Variants in REEP3 observed in about 807,000 individuals in gnomAD.
REEP3 encodes the protein receptor expression-enhancing protein 3.
Under a neutral mutation model 41.3 loss-of-function variants are expected in REEP3, and 20 were observed. The ratio of observed to expected loss-of-function variants is 0.48; its 90% CI spans 0.34 to 0.70. REEP3 has a LOEUF of 0.70. Ranked by LOEUF, REEP3 falls within the 30% of genes least tolerant of loss-of-function variation. The pLI, the probability that REEP3 is intolerant of heterozygous loss-of-function variation, is 0.01. For synonymous variants in REEP3, 104 were observed against 101.8 expected (o/e 1.02, Z -0.13); for missense variants, 271 against 308.8 (o/e 0.88, Z 0.92).
intron 7 of REEP3, 69 bp from the exon 8 acceptor site, chr10:63,620,744 C>T (rs1956347165): frequency 1.0e-6 from 1 of 996,910 alleles, no homozygotes; most frequent in Non-Finnish European, 1.5e-6. Flanking sequence ...TGATTATGAA[C>T]TATTAAATCT....
chr10:63,594,214 C>CAA lies in REEP3; in HGVS notation c.106-552_106-551dup, dbSNP rs747648640. Among the ~76,000 whole-genome samples the CAA allele has an allele frequency of 5.9e-4, 55 of 92,454 alleles. 1 individual carries two copies. In the South Asian group the frequency reaches 0.011, roughly 18 times the overall value. The allele number at this position is 92,454 out of a possible 152,430, so 60.7% of individuals were successfully genotyped here. ...GCAACATGGCAAAACCTCATCTCTACAAAAAAAAAAAAACCAAAAAAAATT... is the reference window on the plus strand; with the variant it reads ...GCAACATGGCAAAACCTCATCTCTACAAAAAAAAAAAAAAACCAAAAAAAATT... On this transcript the variant is annotated intron_variant, in intron 2 of 7. Coordinates refer to ENST00000373758, the MANE Select transcript of REEP3 (RefSeq NM_001001330.3).
chr10:63,557,401 T>C (rs1250623512), intron 1 of REEP3, among the ~76,000 whole-genome samples: 1 of 152,230 alleles, frequency 6.6e-6, no homozygotes, highest in Non-Finnish European at 1.5e-5. Flanking sequence ...ATAAATGTTA[T>C]ATGTATAACT....
intron 2 of REEP3, among the ~76,000 whole-genome samples, chr10:63,574,162 C>G (rs1467168673): frequency 6.6e-6 from 1 of 152,116 alleles, no homozygotes; most frequent in Non-Finnish European, 1.5e-5. Flanking sequence ...ACTTATTGTG[C>G]TATTTCTTAA....
intron 1 of REEP3, among the ~76,000 whole-genome samples, chr10:63,557,902 G>A (rs1955704402): frequency 6.6e-6 from 1 of 152,152 alleles, no homozygotes; most frequent in Admixed American, 6.6e-5. Flanking sequence ...CCCATGGAGG[G>A]AAGCAAGGAA....
At chr10:63,612,589 G>A (rs568225508) in intron 6 of REEP3, among the ~76,000 whole-genome samples, 3 of 152,004 alleles carry the variant, frequency 2.0e-5, no homozygotes, top group South Asian at 2.1e-4. Flanking sequence ...TTAGGAGTTC[G>A]AGACCAGCCT....
Position 63,619,535 on chromosome 10 carries a change from G to A in REEP3, c.566-120G>A, listed in dbSNP as rs1162003687. On this transcript the variant is annotated intron_variant, in intron 6 of 7. Coordinates refer to ENST00000373758, the MANE Select transcript of REEP3 (RefSeq NM_001001330.3). ...AAAGGGCATGGAGCACATTCCAGAT[G>A]CAAAAAGAGTAACTGGGGGAAATGC... 13 of 779,372 alleles carry A rather than the reference G, an allele frequency of 1.7e-5. No individual in the cohort carries two copies. In the Admixed American group the frequency reaches 3.5e-4, roughly 21 times the overall value. The allele number at this position is 779,372 out of a possible 1,614,324, so 48.3% of individuals were successfully genotyped here. A position where few individuals can be genotyped will look rare whatever the true frequency, so the allele number is the denominator to read the frequency against.
chr10:63,561,291 C>A (rs16918601), intron 1 of REEP3, among the ~76,000 whole-genome samples: 18,481 of 152,066 alleles, frequency 0.12, 1,395 homozygotes, highest in East Asian at 0.28. Flanking sequence ...CTGACAAATT[C>A]TTCTAAAATG....
At chr10:63,564,773 G>T (rs1216671498) in intron 1 of REEP3, among the ~76,000 whole-genome samples, 1 of 152,108 alleles carries the variant, frequency 6.6e-6, no homozygotes, top group Non-Finnish European at 1.5e-5. Flanking sequence ...GGGCATTTTG[G>T]TTAATAGATA....
At chr10:63,554,154 T>A (rs1159323335) in intron 1 of REEP3, among the ~76,000 whole-genome samples, 16 of 151,744 alleles carry the variant, frequency 1.1e-4, no homozygotes, top group Non-Finnish European at 1.5e-5. Flanking sequence ...TATCTTTAAG[T>A]CAGTGGGCCT....
intron 1 of REEP3, among the ~76,000 whole-genome samples, chr10:63,537,705 T>C (rs1213481888): frequency 6.6e-6 from 1 of 152,132 alleles, no homozygotes; most frequent in Non-Finnish European, 1.5e-5. Context: ...TGCTTCTTCC[T>C]GGTGTAGAGG....
intron 2 of REEP3, among the ~76,000 whole-genome samples, chr10:63,574,927 G>A (rs1429352784): frequency 7.3e-6 from 1 of 137,288 alleles, no homozygotes; most frequent in East Asian, 2.3e-4. Flanking sequence ...GCACGACTTG[G>A]CTCACGGCAA....
intron 6 of REEP3, among the ~76,000 whole-genome samples, chr10:63,613,784 A>C (rs1427333765): frequency 2.0e-5 from 3 of 152,210 alleles, no homozygotes; most frequent in Admixed American, 6.5e-5. Context: ...TAGAGAATGA[A>C]GTTATATCTC....
intron 6 of REEP3, among the ~76,000 whole-genome samples, chr10:63,613,474 A>G (rs1454279607): frequency 2.6e-5 from 4 of 152,258 alleles, no homozygotes; most frequent in African/African-American, 9.6e-5. Flanking sequence ...ACTTGTTCAG[A>G]GTATAAATTC....
In REEP3 at chr10:63,603,395, T is replaced by TA. The variant is rs1956192905; in HGVS notation, c.417+4117dup. On this transcript the variant is annotated intron_variant, in intron 5 of 7. Coordinates refer to ENST00000373758, the MANE Select transcript of REEP3 (RefSeq NM_001001330.3). ...ATTATCTCACAGGAATACTTTTCTG[T>TA]AAAAATGCCACGAAAACAAAAATGT... Among the ~76,000 whole-genome samples the TA allele has an allele frequency of 2.6e-5, 4 of 152,000 alleles. No individual in the cohort carries two copies. The South Asian group carries it at 8.3e-4, about 32-fold the overall frequency.
intron 1 of REEP3, among the ~76,000 whole-genome samples, chr10:63,556,387 G>T (rs1955680029): frequency 6.6e-6 from 1 of 152,110 alleles, no homozygotes; most frequent in African/African-American, 2.4e-5. Context: ...CTCCCAAAGT[G>T]CTGGGATTAC....
At chr10:63,547,039 A>G (rs1955585232) in intron 1 of REEP3, among the ~76,000 whole-genome samples, 1 of 152,012 alleles carries the variant, frequency 6.6e-6, no homozygotes, top group South Asian at 2.1e-4. Context: ...CTCCTGCCTC[A>G]GCCTCCCAAG....
chr10:63,564,913 A>C (rs907371527), intron 1 of REEP3, among the ~76,000 whole-genome samples: 1 of 152,206 alleles, frequency 6.6e-6, no homozygotes, highest in African/African-American at 2.4e-5. Context: ...TAAGCATGGA[A>C]TTGTTTACAT....
intron 1 of REEP3, among the ~76,000 whole-genome samples, chr10:63,526,427 A>AT (rs1306771833): frequency 6.6e-6 from 1 of 152,134 alleles, no homozygotes; most frequent in Non-Finnish European, 1.5e-5. Context: ...TGGGATAAAA[A>AT]TACAAGAGGA....
chr10:63,578,202 C>G (rs879713430), intron 2 of REEP3, among the ~76,000 whole-genome samples: 1 of 152,100 alleles, frequency 6.6e-6, no homozygotes, highest in Non-Finnish European at 1.5e-5. Context: ...CAGGTTCAAG[C>G]GATTCTCTTG....
Sources: allele counts gnomAD v4.1 joint callset (sites outside exome capture counted in the v4.1 genomes callset), GRCh38; gene constraint gnomAD v4.1.1; transcripts MANE v1.5; gene names NCBI Gene and HGNC (gene_info 2026-07-23, HGNC 2026-07-21).